NCOR2: variants seen among roughly 807,000 people sequenced by gnomAD.
NCOR2 encodes the protein nuclear receptor corepressor 2.
In NCOR2, 81 loss-of-function variants were observed where a neutral mutation model predicts 262.9. The ratio of observed to expected loss-of-function variants is 0.31; its 90% CI spans 0.26 to 0.37. The LOEUF (loss-of-function observed/expected upper bound fraction) is 0.37. NCOR2 is among the 10% of genes least tolerant of loss of function. NCOR2 has a pLI of 1.00. For missense variants in NCOR2, 3,385 were observed against 3,621.4 expected (o/e 0.93, Z 1.68); for synonymous variants, 1,659 against 1,559.3 (o/e 1.06, Z -1.51).
At chr12:124,342,910 C>T (rs902501957) in intron 33 of NCOR2, 95 bp downstream of exon 35, 19 of 1,352,914 alleles carry the variant, frequency 1.4e-5, no homozygotes, top group South Asian at 8.1e-5. Context: ...GGGAACCTGA[C>T]AGTTGATGCC....
In NCOR2 at chr12:124,374,408, C is replaced by T. The variant is rs780370399; in HGVS notation, c.2218+5G>A. ...ACCCCCCAGGCCAGCCGGCCACATT[C>T]GTACCTGGGCCACTGCATTCCCCTC... On this transcript the variant is annotated splice_donor_5th_base_variant and intron_variant, in intron 19 of 46. Coordinates refer to ENST00000405201, the Ensembl canonical transcript of NCOR2. 5 of 1,612,622 alleles carry T rather than the reference C, an allele frequency of 3.1e-6. No homozygotes were observed. The highest frequency in any genetic ancestry group is 4.2e-6 in the Non-Finnish European group (5 of 1,179,630).
Position 124,483,661 on chromosome 12 carries a change from G to C in NCOR2, c.346C>G (p.Pro116Ala), listed in dbSNP as rs781188511. 3 of 1,611,754 alleles carry C rather than the reference G, an allele frequency of 1.9e-6. No individual in the cohort carries two copies. The highest frequency in any genetic ancestry group is 2.5e-6 in the Non-Finnish European group (3 of 1,179,156). ...AGCAGGGGTGACGGTCGCAGCAGGG[G>C]GTCAGGCAGCAGCTCTAGCCGAGGG... is the stretch of plus-strand genomic sequence containing the variant. The change falls in exon 3 of 47, where the codon CCC becomes GCC. Residue 116 changes from proline (P) to alanine (A), a missense_variant. Pro to Ala is a conservative substitution (Grantham distance 27). Around this residue, in one of 5 missense-constraint regions of NCOR2, gnomAD observed 237 missense variants for 229.4 expected, o/e 1.03. Transcript: ENST00000405201. This position sits in a 1 kb window ranked among gnomAD's most constrained non-coding sequence, Gnocchi z 6.3.
intron 8 of NCOR2, among the ~76,000 whole-genome samples, chr12:124,434,971 A>T (rs2044248046): frequency 1.3e-5 from 2 of 152,244 alleles, no homozygotes; most frequent in East Asian, 3.8e-4. Context: ...TATTAAGAAT[A>T]AATTCGGTGT....
chr12:124,376,983 G>A (rs2040055058), intron 18 of NCOR2, among the ~76,000 whole-genome samples: 1 of 152,194 alleles, frequency 6.6e-6, no homozygotes, highest in South Asian at 2.1e-4. Context: ...CACGCCACAG[G>A]GGGAGCAGTC....
intron 31 of NCOR2, among the ~76,000 whole-genome samples, chr12:124,346,044 A>G (rs1398074825): frequency 6.6e-6 from 1 of 152,116 alleles, no homozygotes; most frequent in East Asian, 1.9e-4. Context: ...GGTGCAGTGG[A>G]TGCTGCGGCT....
intron 1 of NCOR2, among the ~76,000 whole-genome samples, chr12:124,512,876 AGTGAGT>A (rs2049487144): frequency 6.6e-6 from 1 of 152,094 alleles, no homozygotes; most frequent in Non-Finnish European, 1.5e-5. Context: ...CCAAACTGAC[AGTGAGT>A]CACCCCCACT....
chr12:124,373,466 TGCGCAGGGGCCCCGGGCACA>T (rs1211059899), intron 19 of NCOR2, among the ~76,000 whole-genome samples: 6 of 95,194 alleles, frequency 6.3e-5, no homozygotes, highest in East Asian at 3.0e-4. Context: ...GGCCAGTGCG[TGCGCAGGGGCCCCGGGCACA>T]GTGGACAGTG....
rs1483452773 is a variant in NCOR2 at position 124,333,999 on chromosome 12, T to TGTGCGCATGTGTGTGG, written c.6605+409_6605+424dup. On this transcript the variant is annotated intron_variant, in intron 41 of 46. Coordinates refer to ENST00000405201, the Ensembl canonical transcript of NCOR2. ...ATGTGTGCGGGTGTGCATGTGTGTG[T>TGTGCGCATGTGTGTGG]GTGCGCATGTGTGTGGGTGTGCATG... Among the ~76,000 whole-genome samples, 442 of 151,002 alleles carry TGTGCGCATGTGTGTGG rather than the reference T, an allele frequency of 2.9e-3. 4 individuals carry two copies. The highest frequency in any genetic ancestry group is 0.01 in the African/African-American group (428 of 41,196).
chr12:124,328,254 T>TC (rs746622069), intron 44 of NCOR2, among the ~76,000 whole-genome samples: 1 of 152,174 alleles, frequency 6.6e-6, no homozygotes, highest in East Asian at 1.9e-4. Flanking sequence ...CCTGCTCTCC[T>TC]CCCTCTGCCT....
At chr12:124,466,251 C>T (rs771599427) in exon 5 of NCOR2, 1 of 1,609,108 alleles carries the variant, frequency 6.2e-7, no homozygotes, top group South Asian at 1.1e-5. Context: ...GCTTCTCAGG[C>T]TCGGGCGGCT....
At chr12:124,382,862 C>T (rs527294102) in intron 17 of NCOR2, among the ~76,000 whole-genome samples, 1 of 152,240 alleles carries the variant, frequency 6.6e-6, no homozygotes. Context: ...CTTCAACAGC[C>T]CTACGACTGG....
intron 1 of NCOR2, chr12:124,542,742 G>A (rs986238816): frequency 5.3e-5 from 8 of 152,350 alleles, no homozygotes; most frequent in African/African-American, 1.7e-4. Context: ...CCCTCCCAGG[G>A]CCGGCCGGGG....
chr12:124,354,823 G>GGC lies in NCOR2; in HGVS notation c.3484+13_3484+14insGC. 3.7e-6 allele frequency: 6 copies of GGC among 1,610,826 alleles called. No homozygotes were observed. Among genetic ancestry groups the GGC allele is most frequent in the Non-Finnish European group, 5.1e-6 (6 of 1,178,126 alleles). On this transcript the variant is annotated intron_variant, in intron 25 of 46. Transcript: ENST00000405201. ...CAGCCTGAGCCACCCAGACGGATGG[G>GGC]CCAGGAGCCTTACCCAGCTTTTTGG...
Position 124,328,305 on chromosome 12 carries a change from C to T in NCOR2, c.6959-672G>A, listed in dbSNP as rs921150848. On this transcript the variant is annotated intron_variant, in intron 44 of 46. Coordinates refer to ENST00000405201, the Ensembl canonical transcript of NCOR2. ...CCATGAGGAGAAAGAGGTGCAGAGACGGACGCTGAGGGCGGGGTCATAGCC... is the reference window on the plus strand; with the variant it reads ...CCATGAGGAGAAAGAGGTGCAGAGATGGACGCTGAGGGCGGGGTCATAGCC... Among the ~76,000 whole-genome samples the T allele has an allele frequency of 5.3e-5, 8 of 152,276 alleles. No homozygotes were observed. The East Asian group carries it at 9.7e-4, about 18-fold the overall frequency.
intron 41 of NCOR2, among the ~76,000 whole-genome samples, chr12:124,333,592 G>C (rs978281280): frequency 2.6e-4 from 39 of 152,038 alleles, no homozygotes; most frequent in Middle Eastern, 6.8e-3. Context: ...GTACCCCAGT[G>C]CCAGCTACAC....
intron 28 of NCOR2, among the ~76,000 whole-genome samples, chr12:124,350,204 C>T (rs1279334664): frequency 2.6e-5 from 4 of 152,178 alleles, no homozygotes; most frequent in African/African-American, 9.6e-5. Context: ...CAGCAAGAGC[C>T]TGGGACACAG....
upstream of NCOR2, among the ~76,000 whole-genome samples, chr12:124,540,072 C>A (rs61439711): frequency 0.026 from 3,881 of 152,062 alleles, 171 homozygotes; most frequent in African/African-American, 0.089. Context: ...GGCATGACTG[C>A]GAACACAAAA....
At chr12:124,469,866 A>G (rs907639896) in intron 4 of NCOR2, among the ~76,000 whole-genome samples, 1 of 152,208 alleles carries the variant, frequency 6.6e-6, no homozygotes, top group Non-Finnish European at 1.5e-5. Context: ...TTAAAGGAAG[A>G]TAAAAAAGGG....
intron 3 of NCOR2, among the ~76,000 whole-genome samples, chr12:124,475,974 G>A (rs1361069180): frequency 1.3e-5 from 2 of 152,210 alleles, no homozygotes; most frequent in Admixed American, 1.3e-4. Flanking sequence ...GGGACCCAGA[G>A]TGCAGGACCT....
Sources: allele counts gnomAD v4.1 joint callset (sites outside exome capture counted in the v4.1 genomes callset), GRCh38; gene constraint gnomAD v4.1.1; regional missense constraint gnomAD v4.1.1; non-coding constraint Gnocchi (gnomAD v3.1); transcripts MANE v1.5; gene names NCBI Gene and HGNC (gene_info 2026-07-23, HGNC 2026-07-21).